Variants in CREBRF observed in about 807,000 individuals in gnomAD.
CREBRF encodes the protein CREB3 regulatory factor, also known as UPF0474 protein C5orf41.
Under a neutral mutation model 66.1 loss-of-function variants are expected in CREBRF, and 5 were observed. The ratio of observed to expected loss-of-function variants is 0.08; its 90% CI spans 0.04 to 0.16. The LOEUF is 0.16. Among genes scored for constraint, CREBRF ranks in the 10% least tolerant of loss-of-function variants. The pLI, the probability that CREBRF is intolerant of heterozygous loss-of-function variation, is 1.00. For synonymous variants in CREBRF, 229 were observed against 264.4 expected (o/e 0.87, Z 1.30); for missense variants, 531 against 744.9 (o/e 0.71, Z 3.34).
chr5:173,080,106 A>G (rs917620747), intron 1 of CREBRF, among the ~76,000 whole-genome samples: 2 of 152,200 alleles, frequency 1.3e-5, no homozygotes, highest in Non-Finnish European at 2.9e-5. Flanking sequence ...AATGTAGAGG[A>G]TATGTTAAGT....
chr5:173,116,086 A>T (rs1418987144), intron 7 of CREBRF, among the ~76,000 whole-genome samples: 1 of 152,204 alleles, frequency 6.6e-6, no homozygotes, highest in Non-Finnish European at 1.5e-5. Context: ...ATTGTTTGAG[A>T]CTAGCCTGGA....
chr5:173,080,170 T>C (rs1036155389), intron 1 of CREBRF, among the ~76,000 whole-genome samples: 1 of 152,158 alleles, frequency 6.6e-6, no homozygotes, highest in African/African-American at 2.4e-5. Context: ...ATGAGAGAGA[T>C]AAAATGTAGA....
intron 4 of CREBRF, among the ~76,000 whole-genome samples, chr5:173,095,561 C>G (rs1466075869): frequency 6.6e-6 from 1 of 152,042 alleles, no homozygotes; most frequent in East Asian, 1.9e-4. Flanking sequence ...TTTTCTTACC[C>G]AAGATAGCTT....
intron 3 of CREBRF, among the ~76,000 whole-genome samples, chr5:173,089,690 T>A (rs1423695584): frequency 1.3e-5 from 2 of 151,324 alleles, no homozygotes; most frequent in Non-Finnish European, 2.9e-5. Context: ...AAAAAAATCA[T>A]CTCTAAAATT....
chr5:173,113,378 G>A (rs1339011845), intron 7 of CREBRF, among the ~76,000 whole-genome samples: 1 of 151,264 alleles, frequency 6.6e-6, no homozygotes, highest in Non-Finnish European at 1.5e-5. Context: ...GCACGATCTC[G>A]GCTCACTGCA....
intron 5 of CREBRF, chr5:173,109,445 C>T (rs1232079371): frequency 6.6e-6 from 1 of 152,084 alleles, no homozygotes; most frequent in African/African-American, 2.4e-5. Context: ...TACTGCACTC[C>T]ATCCTGGGCG....
intron 4 of CREBRF, among the ~76,000 whole-genome samples, chr5:173,096,201 C>A (rs2113748776): frequency 1.3e-5 from 2 of 152,236 alleles, no homozygotes; most frequent in African/African-American, 2.4e-5. Flanking sequence ...GATCTCCTAA[C>A]CTTGTGATCC....
At chr5:173,129,076 G>A (rs1246723848) in intron 8 of CREBRF, among the ~76,000 whole-genome samples, 3 of 139,676 alleles carry the variant, frequency 2.1e-5, no homozygotes, top group Non-Finnish European at 4.6e-5. Flanking sequence ...CACCGTGCCC[G>A]GCCTCTGAAT....
intron 2 of CREBRF, chr5:173,085,279 A>T (rs1454485441): frequency 1.4e-5 from 9 of 648,466 alleles, no homozygotes; most frequent in African/African-American, 5.6e-5. Flanking sequence ...TGATTTAAAC[A>T]CTGCTTTTAG....
At chr5:173,098,569 ATATT>A (rs1452533003) in intron 4 of CREBRF, among the ~76,000 whole-genome samples, 2 of 152,254 alleles carry the variant, frequency 1.3e-5, no homozygotes, top group Non-Finnish European at 2.9e-5. Flanking sequence ...AAAAGAGTAT[ATATT>A]CTGCTGCTGT....
intron 5 of CREBRF, chr5:173,110,229 A>T (rs918307522): frequency 4.7e-6 from 2 of 429,510 alleles, no homozygotes; most frequent in African/African-American, 2.0e-5. Context: ...TTAGTATGCC[A>T]TGCAAATAAT....
At chr5:173,121,800 T>C (rs1046833075) in intron 7 of CREBRF, among the ~76,000 whole-genome samples, 1 of 152,216 alleles carries the variant, frequency 6.6e-6, no homozygotes, top group South Asian at 2.1e-4. Context: ...GTAGGGCAAG[T>C]TGCTTACAGG....
chr5:173,075,453 C>T (rs1034478170), intron 1 of CREBRF, among the ~76,000 whole-genome samples: 1 of 152,092 alleles, frequency 6.6e-6, no homozygotes, highest in Non-Finnish European at 1.5e-5. Flanking sequence ...CAGGTAGTGG[C>T]TTGACTTAGT....
chr5:173,115,131 A>T, intron 7 of CREBRF, among the ~76,000 whole-genome samples: 2 of 142,066 alleles, frequency 1.4e-5, no homozygotes. Context: ...TTTGAGACAG[A>T]GTTTCACTCT....
At chr5:173,058,552 C>G (rs367896666) in intron 1 of CREBRF, among the ~76,000 whole-genome samples, 4 of 151,528 alleles carry the variant, frequency 2.6e-5, no homozygotes, top group Admixed American at 1.3e-4. Flanking sequence ...GGCCAGATCT[C>G]GACTCACTGC....
chr5:173,085,962 C>G, intron 2 of CREBRF: 3 of 1,476,922 alleles, frequency 2.0e-6, no homozygotes, highest in Non-Finnish European at 2.8e-6. Flanking sequence ...GATGGAGAGA[C>G]CACTGAAAAA....
chr5:173,128,362 T>G (rs2113804212), intron 8 of CREBRF, among the ~76,000 whole-genome samples: 1 of 152,254 alleles, frequency 6.6e-6, no homozygotes, highest in African/African-American at 2.4e-5. Flanking sequence ...TTACAATTTT[T>G]AATGTTCTGC....
intron 1 of CREBRF, among the ~76,000 whole-genome samples, chr5:173,070,959 G>C (rs774403840): frequency 2.6e-5 from 4 of 152,090 alleles, no homozygotes; most frequent in Non-Finnish European, 4.4e-5. Flanking sequence ...TGGCACTGTA[G>C]TGAAATAGAT....
In CREBRF at chr5:173,138,932, T is replaced by C. The variant is rs1314592957; in HGVS notation, c.*5187T>C. On this transcript the variant is annotated 3_prime_UTR_variant, in exon 9 of 9. Transcript: ENST00000296953. Reference sequence around the variant, plus strand: ...GAATTCAAAGCATTTGTTCATACAATGTGGCAACCTCTTTTGCATAGTTGC... The same window carrying C: ...GAATTCAAAGCATTTGTTCATACAACGTGGCAACCTCTTTTGCATAGTTGC... The C allele has an allele frequency of 1.3e-5, 2 of 152,048 alleles. No homozygotes were observed. The highest frequency in any genetic ancestry group is 2.9e-5 in the Non-Finnish European group (2 of 68,028). The allele number at this position is 152,048 out of a possible 1,614,324, so 9.4% of individuals were successfully genotyped here. A position where few individuals can be genotyped will look rare whatever the true frequency, so the allele number is the denominator to read the frequency against.
Sources: gnomAD v4.1 joint callset for allele counts (sites outside exome capture counted in the v4.1 genomes callset) on GRCh38, gnomAD v4.1.1 for gene constraint, MANE v1.5 for transcripts, NCBI Gene and HGNC (gene_info 2026-07-23, HGNC 2026-07-21) for gene names.